The following GBE1 variants were observed in gnomAD, a reference collection of about 807,000 sequenced individuals.
GBE1 encodes the protein 1,4-alpha-glucan-branching enzyme.
In GBE1, 70 loss-of-function variants were observed where a neutral mutation model predicts 88.8. The observed-to-expected ratio is 0.79, with a 90% confidence interval of 0.65 to 0.96. GBE1 has a LOEUF of 0.96. Among genes scored for constraint, GBE1 ranks in the 40% least tolerant of loss-of-function variants. GBE1 has a pLI of 0.00. For synonymous variants in GBE1, 284 were observed against 300.1 expected, an observed-to-expected ratio of 0.95 and a Z score of 0.56; for missense variants, 872 against 871.0, an observed-to-expected ratio of 1.00 and a Z score of -0.01.
chr3:81,735,294 A>G (rs554233952), intron 1 of GBE1, among the ~76,000 whole-genome samples: 191 of 152,272 alleles, frequency 1.3e-3, no homozygotes, highest in Admixed American at 2.4e-3. Flanking sequence ...TTCTCCACTG[A>G]GATTGAAGTC....
At chr3:81,739,731 G>C (rs1706320086) in intron 1 of GBE1, among the ~76,000 whole-genome samples, 1 of 151,984 alleles carries the variant, frequency 6.6e-6, no homozygotes, top group Admixed American at 6.6e-5. Context: ...TTTCCATGAG[G>C]CTTCCAAAAC....
intron 1 of GBE1, among the ~76,000 whole-genome samples, chr3:81,755,769 G>C (rs1358252794): frequency 6.6e-6 from 1 of 152,068 alleles, no homozygotes; most frequent in East Asian, 1.9e-4. Flanking sequence ...AGCTAAAAAA[G>C]TGTTTCTCAG....
At chr3:81,596,626 T>C (rs1227394753) in intron 7 of GBE1, among the ~76,000 whole-genome samples, 3 of 152,046 alleles carry the variant, frequency 2.0e-5, no homozygotes, top group African/African-American at 7.2e-5. Context: ...TTTTTGGATA[T>C]AATTATAAAA....
intron 1 of GBE1, among the ~76,000 whole-genome samples, chr3:81,726,615 G>A (rs1706116155): frequency 7.1e-6 from 1 of 140,834 alleles, no homozygotes; most frequent in Non-Finnish European, 1.5e-5. Flanking sequence ...TGGAGTCTCT[G>A]TCTGTCTTCA....
chr3:81,513,071 T>C (rs971971936), intron 14 of GBE1, among the ~76,000 whole-genome samples: 9 of 151,608 alleles, frequency 5.9e-5, no homozygotes, highest in Admixed American at 2.0e-4. Flanking sequence ...CATCACAAAA[T>C]TGCCCACTGC....
At chr3:81,704,421 C>A (rs548831972) in intron 2 of GBE1, among the ~76,000 whole-genome samples, 1 of 152,066 alleles carries the variant, frequency 6.6e-6, no homozygotes, top group South Asian at 2.1e-4. Context: ...AGGTAACCAG[C>A]ACCACAATCA....
At chr3:81,715,420 T>C (rs1347191073) in intron 1 of GBE1, among the ~76,000 whole-genome samples, 1 of 152,140 alleles carries the variant, frequency 6.6e-6, no homozygotes, top group Non-Finnish European at 1.5e-5. Context: ...TAAAAGTGAG[T>C]TGCAGACAGT....
intron 13 of GBE1, 75 bp downstream of exon 13, chr3:81,536,836 G>A (rs1392424640): frequency 3.6e-6 from 4 of 1,116,612 alleles, no homozygotes; most frequent in African/African-American, 3.3e-5. Context: ...TCTGCATAGA[G>A]ATTTAAATTG....
At chr3:81,727,997 T>C (rs994734264) in intron 1 of GBE1, among the ~76,000 whole-genome samples, 27 of 152,056 alleles carry the variant, frequency 1.8e-4, no homozygotes, top group Non-Finnish European at 2.9e-5. Context: ...TATATAGAAT[T>C]ATCAATTAAC....
intron 14 of GBE1, among the ~76,000 whole-genome samples, chr3:81,521,387 T>C (rs1392284282): frequency 6.6e-6 from 1 of 151,616 alleles, no homozygotes; most frequent in Non-Finnish European, 1.5e-5. Context: ...AAATCTGTAT[T>C]CAATTCACTT....
intron 6 of GBE1, among the ~76,000 whole-genome samples, chr3:81,645,533 AAG>A (rs1704750106): frequency 6.6e-6 from 1 of 152,206 alleles, no homozygotes. Flanking sequence ...GGGCTCAGGA[AAG>A]AACCAGAGTG....
intron 12 of GBE1, among the ~76,000 whole-genome samples, chr3:81,552,745 A>T (rs1340778847): frequency 6.6e-6 from 1 of 152,006 alleles, no homozygotes. Flanking sequence ...TCCTTTTTTT[A>T]AAATTGAGAA....
intron 3 of GBE1, among the ~76,000 whole-genome samples, chr3:81,662,496 T>C (rs553525016): frequency 6.6e-6 from 1 of 152,134 alleles, no homozygotes; most frequent in Non-Finnish European, 1.5e-5. Flanking sequence ...CATTTACTTA[T>C]GAAAAAGTTT....
intron 7 of GBE1, among the ~76,000 whole-genome samples, chr3:81,605,036 G>A (rs1704086107): frequency 6.6e-6 from 1 of 152,014 alleles, no homozygotes. Context: ...TCTAGTGAGA[G>A]TAAGCTCATA....
chr3:81,760,750 A>C (rs1324196203), intron 1 of GBE1, among the ~76,000 whole-genome samples: 1 of 152,242 alleles, frequency 6.6e-6, no homozygotes, highest in Non-Finnish European at 1.5e-5. Flanking sequence ...CAAGATGGTT[A>C]AAGTCACACA....
At chr3:81,640,859 A>G (rs1704668261) in intron 7 of GBE1, among the ~76,000 whole-genome samples, 1 of 152,090 alleles carries the variant, frequency 6.6e-6, no homozygotes, top group South Asian at 2.1e-4. Context: ...AAAATAAATT[A>G]AGCTAAAACT....
chr3:81,492,584 A>G (rs1386501972), intron 15 of GBE1, among the ~76,000 whole-genome samples: 1 of 151,924 alleles, frequency 6.6e-6, no homozygotes, highest in Non-Finnish European at 1.5e-5. Context: ...CCATGTACTT[A>G]TTAGGATGTC....
At chr3:81,646,362 A>G in intron 6 of GBE1, 30 bp downstream of exon 6, 1 of 1,361,878 alleles carries the variant, frequency 7.3e-7, no homozygotes, top group Non-Finnish European at 1.0e-6. Context: ...GCTCAAAATA[A>G]AAATGAACAC....
intron 1 of GBE1, among the ~76,000 whole-genome samples, chr3:81,737,858 C>T (rs1375307294): frequency 3.9e-5 from 6 of 152,070 alleles, no homozygotes; most frequent in Non-Finnish European, 8.8e-5. Context: ...CCCACTAACT[C>T]GTCATCTAGC....
Sources: gnomAD v4.1 joint callset for allele counts (sites outside exome capture counted in the v4.1 genomes callset) on GRCh38, gnomAD v4.1.1 for gene constraint, MANE v1.5 for transcripts, NCBI Gene and HGNC (gene_info 2026-07-23, HGNC 2026-07-21) for gene names.